Variants in GABRB1 observed in about 807,000 individuals in gnomAD.
GABRB1 encodes the protein gamma-aminobutyric acid type A receptor subunit beta1, also known as gamma-aminobutyric acid receptor subunit beta-1.
A neutral mutation model predicts 51.6 loss-of-function variants in GABRB1; 17 were observed. The observed-to-expected ratio is 0.33, with a 90% CI of 0.23 to 0.49. The LOEUF (loss-of-function observed/expected upper bound fraction) is 0.49, where lower values mean the gene tolerates loss of function less well. Among genes scored for constraint, GABRB1 ranks in the 20% least tolerant of loss-of-function variants. The pLI, the probability that GABRB1 is intolerant of heterozygous loss-of-function variation, is 0.99. For missense variants in GABRB1, 410 were observed against 600.6 expected (o/e 0.68, Z 3.32); for synonymous variants, 247 against 218.9 (o/e 1.13, Z -1.14).
intron 3 of GABRB1, among the ~76,000 whole-genome samples, chr4:47,068,727 T>C (rs1727189462): frequency 6.6e-6 from 1 of 152,080 alleles, no homozygotes; most frequent in South Asian, 2.1e-4. Flanking sequence ...TGATCACAGA[T>C]CACATAACAG....
upstream of GABRB1, chr4:47,031,365 A>C (rs1177440312): frequency 2.2e-6 from 1 of 458,862 alleles, no homozygotes; most frequent in East Asian, 4.1e-5. Flanking sequence ...CCTCCAATGC[A>C]TGAAGGAAAC....
At chr4:47,376,861 T>C (rs1727400290) in intron 5 of GABRB1, among the ~76,000 whole-genome samples, 1 of 152,202 alleles carries the variant, frequency 6.6e-6, no homozygotes, top group African/African-American at 2.4e-5. Flanking sequence ...ATAGTAAGGA[T>C]TTATTAGAAT....
intron 4 of GABRB1, among the ~76,000 whole-genome samples, chr4:47,307,392 G>C (rs1473353124): frequency 6.6e-6 from 1 of 151,910 alleles, no homozygotes; most frequent in Middle Eastern, 3.2e-3. Flanking sequence ...TTGTTAGTAT[G>C]ATATCTGGAG....
chr4:47,195,992 T>C (rs1486386955), intron 4 of GABRB1, among the ~76,000 whole-genome samples: 2 of 152,242 alleles, frequency 1.3e-5, no homozygotes, highest in African/African-American at 4.8e-5. Flanking sequence ...ACATTCCTGC[T>C]TGTGTGGTAG....
At chr4:47,080,467 G>A (rs990815004) in intron 3 of GABRB1, among the ~76,000 whole-genome samples, 11 of 152,154 alleles carry the variant, frequency 7.2e-5, no homozygotes, top group African/African-American at 2.7e-4. Context: ...TAATTATGAA[G>A]TATTAAGTGT....
chr4:47,228,216 A>G (rs1721019884), intron 4 of GABRB1, among the ~76,000 whole-genome samples: 1 of 152,116 alleles, frequency 6.6e-6, no homozygotes, highest in South Asian at 2.1e-4. Flanking sequence ...TCTCAATATC[A>G]TAGTATGAGT....
intron 3 of GABRB1, among the ~76,000 whole-genome samples, chr4:47,151,891 G>A (rs990963381): frequency 2.0e-5 from 3 of 151,940 alleles, no homozygotes; most frequent in African/African-American, 4.8e-5. Flanking sequence ...TTTAGTACAA[G>A]TAGCCTTATA....
At chr4:47,045,727 C>A (rs1204421730) in intron 3 of GABRB1, among the ~76,000 whole-genome samples, 1 of 151,950 alleles carries the variant, frequency 6.6e-6, no homozygotes, top group African/African-American at 2.4e-5. Flanking sequence ...GAGGGTTTTG[C>A]CCCCACAACC....
chr4:47,217,758 C>T (rs1437038902), intron 4 of GABRB1, among the ~76,000 whole-genome samples: 5 of 151,596 alleles, frequency 3.3e-5, no homozygotes, highest in Non-Finnish European at 3.0e-5. Flanking sequence ...CATTTAGATA[C>T]AAGCACACAA....
At chr4:47,248,711 T>A (rs779919505) in intron 4 of GABRB1, among the ~76,000 whole-genome samples, 1 of 152,086 alleles carries the variant, frequency 6.6e-6, no homozygotes, top group Non-Finnish European at 1.5e-5. Flanking sequence ...TCAGGGTGTC[T>A]AATTTTCCCT....
rs369617246 is a variant in GABRB1, at chr4:47,167,845, AG to A, written c.461+6377del. On this transcript the variant is annotated intron_variant, in intron 4 of 8. Transcript: ENST00000295454. ...TCAGCAAGAAGGCCCTACCAGATGC[AG>A]CTCCCTAGGGAATCTTGGATTGCTC... is the stretch of plus-strand genomic sequence containing the variant. Among the ~76,000 whole-genome samples, 8 of 152,248 alleles carry A rather than the reference AG, an allele frequency of 5.3e-5. No homozygotes were observed. The South Asian group carries it at 8.3e-4, about 16-fold the overall frequency.
chr4:47,147,941 T>A (rs904742838), intron 3 of GABRB1, among the ~76,000 whole-genome samples: 1 of 152,060 alleles, frequency 6.6e-6, no homozygotes, highest in East Asian at 1.9e-4. Flanking sequence ...ATTGAGGAGC[T>A]ACAGCAAATT....
chr4:47,211,634 C>T (rs975521412), intron 4 of GABRB1, among the ~76,000 whole-genome samples: 12 of 152,158 alleles, frequency 7.9e-5, no homozygotes, highest in African/African-American at 2.9e-4. Flanking sequence ...TAACAAATTA[C>T]CCCAAACTTT....
At chr4:47,181,655 T>C (rs1017173408) in intron 4 of GABRB1, among the ~76,000 whole-genome samples, 1 of 152,076 alleles carries the variant, frequency 6.6e-6, no homozygotes, top group Admixed American at 6.6e-5. Context: ...TGAGAAATAA[T>C]TGCAAAGCAT....
At chr4:47,224,225 T>A (rs965378296) in intron 4 of GABRB1, among the ~76,000 whole-genome samples, 6 of 149,926 alleles carry the variant, frequency 4.0e-5, no homozygotes, top group Non-Finnish European at 9.0e-5. Context: ...TTGACTCAAA[T>A]AAGACTCAAA....
chr4:47,400,498 C>T (rs1728338549), intron 5 of GABRB1, among the ~76,000 whole-genome samples: 1 of 151,056 alleles, frequency 6.6e-6, no homozygotes, highest in South Asian at 2.1e-4. Flanking sequence ...GCATAGTGAG[C>T]TCCAGCCTGT....
chr4:47,346,607 G>T (rs1726102957), intron 5 of GABRB1, among the ~76,000 whole-genome samples: 1 of 152,184 alleles, frequency 6.6e-6, no homozygotes, highest in Non-Finnish European at 1.5e-5. Context: ...CTATAATGCT[G>T]ATGAAACATT....
intron 1 of GABRB1, among the ~76,000 whole-genome samples, chr4:47,021,586 C>T (rs908106004): frequency 1.3e-5 from 2 of 152,060 alleles, no homozygotes; most frequent in Non-Finnish European, 2.9e-5. Context: ...AATATTCCAA[C>T]TTTTTTTTAC....
intron 1 of GABRB1, among the ~76,000 whole-genome samples, chr4:46,996,739 G>A (rs1724011749): frequency 6.6e-6 from 1 of 152,142 alleles, no homozygotes; most frequent in African/African-American, 2.4e-5. Context: ...TAGATTGTAA[G>A]TCTCTTGCAG....
Sources: gnomAD v4.1 joint callset for allele counts (sites outside exome capture counted in the v4.1 genomes callset) on GRCh38, gnomAD v4.1.1 for gene constraint, MANE v1.5 for transcripts, NCBI Gene and HGNC (gene_info 2026-07-23, HGNC 2026-07-21) for gene names.